PEDS1: variants seen among roughly 807,000 people sequenced by gnomAD.
PEDS1 encodes plasmanylethanolamine desaturase 1.
PEDS1 carries 14 observed loss-of-function variants against 35.2 expected under a neutral mutation model. That is an observed-to-expected ratio of 0.40 (90% CI 0.26 to 0.62). The LOEUF (loss-of-function observed/expected upper bound fraction) is 0.62. Ranked by LOEUF, PEDS1 falls within the 20% of genes least tolerant of loss-of-function variation. The pLI is 0.44. For missense variants in PEDS1, 260 were observed against 367.8 expected (o/e 0.71, Z 2.40); for synonymous variants, 152 against 152.0 (o/e 1.00, Z 0.00).
At chr20:50,151,389 C>T (rs1355875752) in intron 1 of PEDS1, 3 of 928,880 alleles carry the variant, frequency 3.2e-6, no homozygotes, top group Non-Finnish European at 4.6e-6. Context: ...CCTGGGGAGG[C>T]TCAGAATGCC....
intron 2 of PEDS1, among the ~76,000 whole-genome samples, chr20:50,133,404 C>T (rs949048277): frequency 6.6e-6 from 1 of 152,132 alleles, no homozygotes; most frequent in Non-Finnish European, 1.5e-5. Flanking sequence ...GGCACACAGA[C>T]GCCTAAGGAC....
intron 1 of PEDS1, among the ~76,000 whole-genome samples, chr20:50,150,440 C>T (rs1601236654): frequency 6.6e-6 from 1 of 152,162 alleles, no homozygotes; most frequent in Non-Finnish European, 1.5e-5. Context: ...CTGGTCTGGA[C>T]CAACCCTTCT....
At chr20:50,139,260 C>T (rs1479139763) in intron 2 of PEDS1, among the ~76,000 whole-genome samples, 1 of 152,144 alleles carries the variant, frequency 6.6e-6, no homozygotes, top group Non-Finnish European at 1.5e-5. Flanking sequence ...ACTCACAACC[C>T]AAACACTTCC....
Position 50,124,680 on chromosome 20 carries a change from G to A in PEDS1, c.*378C>T, listed in dbSNP as rs1387629007. On this transcript the variant is annotated 3_prime_UTR_variant, in exon 6 of 6. Transcript: ENST00000371652. ...GTGCCTGGGGGCTCCCCAGACCACT[G>A]GGGCCAGACAAGGAGGGAAAGAGGC... 4.8e-6 allele frequency: 1 copy of A among 206,922 alleles called. No homozygotes were observed. The highest frequency in any genetic ancestry group is 1.0e-5 in the Non-Finnish European group (1 of 98,806). The allele number at this position is 206,922 out of a possible 1,614,324, so 12.8% of individuals were successfully genotyped here.
chr20:50,129,761 C>A lies in PEDS1; in HGVS notation c.334-71G>T. 1 of 1,582,304 alleles carries A rather than the reference C, an allele frequency of 6.3e-7. No individual in the cohort carries two copies. The highest frequency in any genetic ancestry group is 8.6e-7 in the Non-Finnish European group (1 of 1,164,326). ...CAGCTGCTCTCCACAGCCCCCTAAA[C>A]ACATTCACCCTGGGCTCACCTCCCG... On this transcript the variant is annotated intron_variant, in intron 3 of 5. Coordinates refer to ENST00000371652, the MANE Select transcript of PEDS1 (RefSeq NM_199129.4). The surrounding 1 kb of genome is among the most constrained non-coding windows in gnomAD (Gnocchi z 4.2).
At chr20:50,127,782 C>A (rs1397876984) in intron 5 of PEDS1, among the ~76,000 whole-genome samples, 193 bp downstream of exon 5, 1 of 152,186 alleles carries the variant, frequency 6.6e-6, no homozygotes, top group Non-Finnish European at 1.5e-5. Context: ...TTGTCAGTCT[C>A]ATTTACTGTG....
rs138404939 is a variant in PEDS1, at chr20:50,144,752, T to G, written c.122-1131A>C. Reference sequence around the variant, plus strand: ...TTGTCTATAAGTGGACGTGGAGAGATGTCCAGGACATCTAGGTAAGTGCAA... The same window carrying G: ...TTGTCTATAAGTGGACGTGGAGAGAGGTCCAGGACATCTAGGTAAGTGCAA... On this transcript the variant is annotated intron_variant, in intron 1 of 5. Coordinates refer to ENST00000371652, the MANE Select transcript of PEDS1 (RefSeq NM_199129.4). 1.6e-3 allele frequency among the ~76,000 whole-genome samples: 243 copies of G among 152,272 alleles called. 1 individual carries two copies. Among genetic ancestry groups the G allele is most frequent in the African/African-American group, 5.6e-3 (234 of 41,556 alleles).
intron 3 of PEDS1, among the ~76,000 whole-genome samples, chr20:50,130,110 C>T (rs1277012572): frequency 3.3e-5 from 5 of 152,162 alleles, no homozygotes; most frequent in Admixed American, 6.5e-5. Context: ...GCTGACCTCG[C>T]CCCGGGCTGA....
At chr20:50,126,641 T>C (rs1193429155) in intron 5 of PEDS1, among the ~76,000 whole-genome samples, 2 of 152,156 alleles carry the variant, frequency 1.3e-5, no homozygotes, top group African/African-American at 4.8e-5. Flanking sequence ...CCAGGGAGGT[T>C]TGTGAGTTGC....
intron 2 of PEDS1, among the ~76,000 whole-genome samples, chr20:50,141,856 C>A (rs1282579873): frequency 6.6e-6 from 1 of 152,166 alleles, no homozygotes; most frequent in Non-Finnish European, 1.5e-5. Flanking sequence ...CCACCCCAGA[C>A]CCAGATGGCT....
rs528762493 is a variant in PEDS1, at chr20:50,125,198, C to G, written c.692-19G>C. The G allele has an allele frequency of 6.2e-7, 1 of 1,612,518 alleles. No homozygotes were observed. The highest frequency in any genetic ancestry group is 8.5e-7 in the Non-Finnish European group (1 of 1,179,014). On this transcript the variant is annotated intron_variant, in intron 5 of 5. Transcript: ENST00000371652. ...AGCCAGCCTGCAGTAGAAATGGCAG[C>G]GGGAGTTTGAATGGGAGAGAGTAGT...
rs771692201 is a variant in PEDS1, at chr20:50,127,930, T to C, written c.691+45A>G. The C allele has an allele frequency of 6.3e-6, 10 of 1,594,492 alleles. No homozygotes were observed. In the East Asian group the frequency reaches 2.0e-4, roughly 32 times the overall value. On this transcript the variant is annotated intron_variant, in intron 5 of 5. Coordinates refer to ENST00000371652, the MANE Select transcript of PEDS1 (RefSeq NM_199129.4). ...CCTCCTGACCTCGAAGATGGTGCAG[T>C]GGCTGGGGTGGGGAAAGCCCATTCC...
At position 50,129,722 on chromosome 20, in the gene PEDS1, C is replaced by T. The variant is rs1351098572; in HGVS notation, c.334-32G>A. 2 of 1,611,844 alleles carry T rather than the reference C, an allele frequency of 1.2e-6. No homozygotes were observed. The highest frequency in any genetic ancestry group is 2.2e-5 in the East Asian group (1 of 44,852). ...TTGAGGGGGACACAGCCCCAGCAGT[C>T]AGCCTAAGGTGGTCAGCTGCTCTCC... On this transcript the variant is annotated intron_variant, in intron 3 of 5. Coordinates refer to ENST00000371652, the MANE Select transcript of PEDS1 (RefSeq NM_199129.4). This position sits in a 1 kb window ranked among gnomAD's most constrained non-coding sequence, Gnocchi z 4.2.
intron 2 of PEDS1, among the ~76,000 whole-genome samples, chr20:50,139,131 G>A (rs113515693): frequency 2.0e-5 from 3 of 152,212 alleles, no homozygotes; most frequent in Admixed American, 1.3e-4. Context: ...GCCACAGGAC[G>A]GGCCACGACC....
intron 2 of PEDS1, among the ~76,000 whole-genome samples, chr20:50,139,561 T>C (rs2081271529): frequency 6.6e-6 from 1 of 151,616 alleles, no homozygotes; most frequent in Admixed American, 6.6e-5. Flanking sequence ...CCAGCCTCCC[T>C]TGCTGGCTCT....
intron 5 of PEDS1, among the ~76,000 whole-genome samples, chr20:50,125,766 T>C (rs1234019241): frequency 1.3e-5 from 2 of 152,126 alleles, no homozygotes; most frequent in South Asian, 2.1e-4. Flanking sequence ...CTAAGTTTTG[T>C]ATTTTTAGTA....
At chr20:50,131,130 T>C (rs1351669165) in intron 2 of PEDS1, 183 bp from the exon 3 acceptor site, 6 of 1,468,508 alleles carry the variant, frequency 4.1e-6, no homozygotes, top group Non-Finnish European at 5.6e-6. Context: ...TGCCTGTTAC[T>C]TGCTGTGCTC....
At chr20:50,142,687 C>T (rs1174979219) in intron 2 of PEDS1, among the ~76,000 whole-genome samples, 2 of 88,076 alleles carry the variant, frequency 2.3e-5, no homozygotes, top group East Asian at 4.1e-4. Flanking sequence ...CATCCGCCCC[C>T]CCCCCCCCGC....
intron 2 of PEDS1, among the ~76,000 whole-genome samples, chr20:50,137,863 G>A (rs2081252974): frequency 6.6e-6 from 1 of 152,112 alleles, no homozygotes; most frequent in Non-Finnish European, 1.5e-5. Context: ...GTGAGACTCC[G>A]TCTCAAAAAA....
Sources: allele counts gnomAD v4.1 joint callset (sites outside exome capture counted in the v4.1 genomes callset), GRCh38; gene constraint gnomAD v4.1.1; non-coding constraint Gnocchi (gnomAD v3.1); transcripts MANE v1.5; gene names NCBI Gene and HGNC (gene_info 2026-07-23, HGNC 2026-07-21).